Variants in CENPP observed in about 807,000 individuals in gnomAD.
CENPP encodes centromere protein P.
In CENPP, 24 loss-of-function variants were observed where a neutral mutation model predicts 35.6. The ratio of observed to expected loss-of-function variants is 0.67; its 90% CI spans 0.49 to 0.95. The LOEUF (loss-of-function observed/expected upper bound fraction) is 0.95. Among genes scored for constraint, CENPP ranks in the 40% least tolerant of loss-of-function variants. The probability of loss-of-function intolerance (pLI) is 0.00; values close to 1 mark genes in which losing one functional copy is unlikely to be tolerated. For missense variants in CENPP, 332 were observed against 345.3 expected (o/e 0.96, Z 0.31); for synonymous variants, 120 against 125.5 (o/e 0.96, Z 0.29).
intron 5 of CENPP, chr9:92,502,424 C>T: frequency 6.7e-7 from 1 of 1,496,018 alleles, no homozygotes; most frequent in Non-Finnish European, 9.2e-7. Context: ...ACCTCCCTCA[C>T]TTATCCCATT....
intron 5 of CENPP, among the ~76,000 whole-genome samples, chr9:92,507,424 A>C (rs181445832): frequency 1.4e-4 from 21 of 152,344 alleles, no homozygotes; most frequent in Admixed American, 1.1e-3. Flanking sequence ...AAAAAGAGAG[A>C]AACAGTGCAA....
intron 5 of CENPP, among the ~76,000 whole-genome samples, chr9:92,533,707 T>A (rs1330030052): frequency 6.6e-6 from 1 of 152,166 alleles, no homozygotes; most frequent in Non-Finnish European, 1.5e-5. Context: ...GAGAATGTTG[T>A]AAGTTGTAAA....
chr9:92,598,741 A>AG (rs201310016), intron 5 of CENPP, among the ~76,000 whole-genome samples: 10 of 138,268 alleles, frequency 7.2e-5, no homozygotes, highest in African/African-American at 2.1e-4. Context: ...AAATAACTGA[A>AG]GGGGTTTTTT....
chr9:92,426,942 T>C (rs915066419), intron 5 of CENPP, among the ~76,000 whole-genome samples: 4 of 152,108 alleles, frequency 2.6e-5, no homozygotes, highest in African/African-American at 4.8e-5. Context: ...AAAGCCCAGA[T>C]CTTGGTTTCT....
chr9:92,573,735 AGTG>A (rs1298012311), intron 5 of CENPP, among the ~76,000 whole-genome samples: 5 of 152,186 alleles, frequency 3.3e-5, no homozygotes, highest in African/African-American at 7.2e-5. Flanking sequence ...ACTGAGCTGC[AGTG>A]GGCTCCACCC....
At chr9:92,328,295 C>T (rs906294317) in intron 1 of CENPP, among the ~76,000 whole-genome samples, 1 of 152,054 alleles carries the variant, frequency 6.6e-6, no homozygotes, top group Non-Finnish European at 1.5e-5. Context: ...GGATTGGAAC[C>T]TATGTACCAA....
chr9:92,408,913 G>A (rs1195594930), intron 5 of CENPP, among the ~76,000 whole-genome samples: 1 of 151,972 alleles, frequency 6.6e-6, no homozygotes, highest in Non-Finnish European at 1.5e-5. Context: ...TTGGATCTCC[G>A]TCTTAAATCT....
At chr9:92,407,259 C>T (rs1843331103) in intron 5 of CENPP, among the ~76,000 whole-genome samples, 1 of 152,086 alleles carries the variant, frequency 6.6e-6, no homozygotes, top group Non-Finnish European at 1.5e-5. Context: ...ACTACATAAC[C>T]CAAATCCCTT....
intron 5 of CENPP, among the ~76,000 whole-genome samples, chr9:92,411,023 G>A (rs1389099114): frequency 6.6e-6 from 1 of 151,996 alleles, no homozygotes; most frequent in Non-Finnish European, 1.5e-5. Context: ...CTCCCAGGCT[G>A]GAGTGCAGTG....
rs182584499 is a variant in CENPP at position 92,369,928 on chromosome 9, T to C, written c.468-9835T>C. On this transcript the variant is annotated intron_variant, in intron 4 of 7. Transcript: ENST00000375587. ...AGAGGAAAGGCTTTCAACTTTCCCC[T>C]GTTCAGTATGATGTTACCTTGGGTT... 5.3e-5 allele frequency among the ~76,000 whole-genome samples: 8 copies of C among 152,334 alleles called. 1 individual carries two copies. In the East Asian group the frequency reaches 1.5e-3, roughly 29 times the overall value.
At chr9:92,498,463 A>G (rs1846485084) in intron 5 of CENPP, among the ~76,000 whole-genome samples, 1 of 152,010 alleles carries the variant, frequency 6.6e-6, no homozygotes, top group South Asian at 2.1e-4. Flanking sequence ...ATATATATAT[A>G]TTAAAAAAAG....
At chr9:92,475,197 TAGC>T (rs1247901755) in intron 5 of CENPP, among the ~76,000 whole-genome samples, 2 of 152,154 alleles carry the variant, frequency 1.3e-5, no homozygotes, top group African/African-American at 4.8e-5. Context: ...AGAATTATAA[TAGC>T]AGAAATATTT....
chr9:92,601,564 G>A (rs569003452), intron 5 of CENPP, among the ~76,000 whole-genome samples: 39 of 152,164 alleles, frequency 2.6e-4, no homozygotes, highest in Non-Finnish European at 3.1e-4. Flanking sequence ...TAAACGCCAC[G>A]CTGTGACCAA....
chr9:92,600,200 T>C (rs1850875619), intron 5 of CENPP: 1 of 1,030,516 alleles, frequency 9.7e-7, no homozygotes, highest in East Asian at 3.1e-5. Context: ...CAACCATGTT[T>C]AGCTTGAGGT....
chr9:92,500,069 C>A (rs1401079241), intron 5 of CENPP, among the ~76,000 whole-genome samples: 2 of 152,114 alleles, frequency 1.3e-5, no homozygotes, highest in Admixed American at 1.3e-4. Flanking sequence ...ACGTTTTATG[C>A]TTTATAGATT....
chr9:92,457,511 A>T, intron 5 of CENPP: 1 of 1,511,702 alleles, frequency 6.6e-7, no homozygotes, highest in Non-Finnish European at 9.2e-7. Context: ...AAAAGAAAGG[A>T]TTAAAAATAC....
intron 5 of CENPP, among the ~76,000 whole-genome samples, chr9:92,533,328 A>AAAAAATATATATATATATAT (rs1554683138): frequency 2.6e-5 from 1 of 38,332 alleles, no homozygotes; most frequent in Non-Finnish European, 4.3e-5. Context: ...AAAAAAAAAA[A>AAAAAATATATATATATATAT]ATATATATAT....
intron 5 of CENPP, among the ~76,000 whole-genome samples, chr9:92,540,965 T>C (rs780585425): frequency 7.9e-5 from 12 of 151,200 alleles, no homozygotes; most frequent in Non-Finnish European, 1.8e-4. Flanking sequence ...TTTTTTCTTT[T>C]TTAAAAAATG....
intron 5 of CENPP, among the ~76,000 whole-genome samples, chr9:92,501,600 C>G (rs771431736): frequency 2.0e-5 from 3 of 152,166 alleles, no homozygotes; most frequent in Non-Finnish European, 4.4e-5. Context: ...ATCTGGGGAA[C>G]GTGGTGAACT....
Sources: gnomAD v4.1 joint callset for allele counts (sites outside exome capture counted in the v4.1 genomes callset) on GRCh38, gnomAD v4.1.1 for gene constraint, MANE v1.5 for transcripts, NCBI Gene and HGNC (gene_info 2026-07-23, HGNC 2026-07-21) for gene names.